NUP205: variants seen among roughly 807,000 people sequenced by gnomAD.
The protein encoded by NUP205 is nucleoporin 205, also known as nuclear pore complex protein Nup205.
In NUP205, 76 loss-of-function variants were observed where a neutral mutation model predicts 253.8. The ratio of observed to expected loss-of-function variants is 0.30; its 90% CI spans 0.25 to 0.36. NUP205 has a LOEUF of 0.36. NUP205 is among the 10% of genes least tolerant of loss of function. The pLI, the probability that NUP205 is intolerant of heterozygous loss-of-function variation, is 1.00. For synonymous variants in NUP205, 832 were observed against 850.1 expected, an observed-to-expected ratio of 0.98 and a Z score of 0.37; for missense variants, 2,162 against 2,425.5, an observed-to-expected ratio of 0.89 and a Z score of 2.28.
intron 39 of NUP205, 135 bp from the exon 40 acceptor site, chr7:135,644,757 TAAA>T (rs1352846309): frequency 1.3e-6 from 1 of 793,642 alleles, no homozygotes; most frequent in Non-Finnish European, 1.9e-6. Flanking sequence ...GCTTCTTAGA[TAAA>T]AACTCTTATC....
chr7:135,597,709 T>C, intron 14 of NUP205: 3 of 448,886 alleles, frequency 6.7e-6, no homozygotes, highest in Non-Finnish European at 1.2e-5. Context: ...AAATGAGAGT[T>C]AATTATTTTC....
chr7:135,606,349 A>G (rs1378782742), intron 20 of NUP205, 123 bp downstream of exon 20: 1 of 714,846 alleles, frequency 1.4e-6, no homozygotes, highest in East Asian at 2.6e-5. Flanking sequence ...AGAATTTGCT[A>G]GAATACAGGT....
intron 22 of NUP205, among the ~76,000 whole-genome samples, chr7:135,612,824 A>G (rs1794272772): frequency 6.6e-6 from 1 of 152,256 alleles, no homozygotes; most frequent in South Asian, 2.1e-4. Flanking sequence ...TTTTGGCTTT[A>G]GATTTTAATT....
At position 135,601,433 on chromosome 7, in the gene NUP205, C is replaced by T. The variant is rs1793963304; in HGVS notation, c.2438C>T (p.Ser813Leu). The T allele has an allele frequency of 1.2e-6, 2 of 1,613,818 alleles. No individual in the cohort carries two copies. The change falls in exon 17 of 43, where the codon TCA becomes TTA. Residue 813 changes from serine (S) to leucine (L), a missense_variant. Physicochemically the swap from Ser to Leu is moderately radical, Grantham distance 145. Transcript: ENST00000285968. ...FSLMYHLLNESPMLELALSLL... is the reference protein window; with the variant it reads ...FSLMYHLLNELPMLELALSLL... ...CTGATGTATCATCTGCTGAATGAGT[C>T]ACCAATGTTGGAGCTTGCTCTCAGT...
At chr7:135,613,085 CA>C (rs373671230) in intron 22 of NUP205, among the ~76,000 whole-genome samples, 12,989 of 134,590 alleles carry the variant, frequency 0.097, 692 homozygotes, top group Non-Finnish European at 0.14. Context: ...GACCCTGACT[CA>C]AAAAAAAAAA....
At chr7:135,600,196 T>C (rs1463353656) in intron 15 of NUP205, among the ~76,000 whole-genome samples, 1 of 152,188 alleles carries the variant, frequency 6.6e-6, no homozygotes, top group Non-Finnish European at 1.5e-5. Context: ...GGCTATGCAG[T>C]TGTATATAAT....
In NUP205 at chr7:135,580,897, C is replaced by T. The variant is rs143267645; in HGVS notation, c.1042+1982C>T. On this transcript the variant is annotated intron_variant, in intron 7 of 42. Coordinates refer to ENST00000285968, the MANE Select transcript of NUP205 (RefSeq NM_015135.3). Reference sequence around the variant, plus strand: ...GTTTTGAAAGGTTTAATAGAATATGCTATAGTTTGCTGTAGAATAATAGTA... The same window carrying T: ...GTTTTGAAAGGTTTAATAGAATATGTTATAGTTTGCTGTAGAATAATAGTA... Among the ~76,000 whole-genome samples the T allele has an allele frequency of 6.6e-5, 10 of 152,136 alleles. No individual in the cohort carries two copies. The East Asian group carries it at 1.9e-3, about 29-fold the overall frequency.
rs1584665843 is a variant in NUP205, at chr7:135,602,983, A to G, written c.2691A>G (p.Val897=). ...NPRTKKADNV[V]NIARYLYHGN... is the part of the protein sequence containing the mutation. ...GAACTAAGAAGGCAGATAATGTGGTAAACATTGCCAGGTAAGTTACCTTTG... is the reference window on the plus strand; with the variant it reads ...GAACTAAGAAGGCAGATAATGTGGTGAACATTGCCAGGTAAGTTACCTTTG... Residue 897 remains valine, a synonymous_variant, in exon 18 of 43, where the codon GTA becomes GTG. Coordinates refer to ENST00000285968, the MANE Select transcript of NUP205 (RefSeq NM_015135.3). 6.2e-7 allele frequency: 1 copy of G among 1,607,866 alleles called. No individual in the cohort carries two copies. The highest frequency in any genetic ancestry group is 8.5e-7 in the Non-Finnish European group (1 of 1,175,748).
chr7:135,597,460 A>G (rs1224010341), intron 14 of NUP205, 42 bp downstream of exon 14: 1 of 1,161,716 alleles, frequency 8.6e-7, no homozygotes, highest in Admixed American at 1.7e-5. Context: ...TCATTCATGC[A>G]TGTAATGATA....
intron 36 of NUP205, among the ~76,000 whole-genome samples, chr7:135,637,302 T>C (rs894635484): frequency 6.6e-6 from 1 of 152,190 alleles, no homozygotes; most frequent in African/African-American, 2.4e-5. Flanking sequence ...GGAACCCATG[T>C]CTCTAATTTG....
At chr7:135,620,781 C>T (rs1481407526) in intron 30 of NUP205, among the ~76,000 whole-genome samples, 1 of 152,128 alleles carries the variant, frequency 6.6e-6, no homozygotes, top group African/African-American at 2.4e-5. Context: ...CAATAGTATA[C>T]ATGTATCTTT....
chr7:135,612,558 G>T (rs148933556), intron 22 of NUP205, among the ~76,000 whole-genome samples: 1 of 152,236 alleles, frequency 6.6e-6, no homozygotes, highest in South Asian at 2.1e-4. Flanking sequence ...TGCAAAAAAC[G>T]TGGCACTAAA....
chr7:135,568,315 A>G (rs901743432), intron 1 of NUP205, among the ~76,000 whole-genome samples: 1 of 151,298 alleles, frequency 6.6e-6, no homozygotes, highest in Admixed American at 6.6e-5. Context: ...AATATAATAA[A>G]TGAATTAATT....
chr7:135,558,301 A>G (rs1463168326), intron 1 of NUP205: 5 of 387,872 alleles, frequency 1.3e-5, no homozygotes, highest in African/African-American at 1.0e-4. Flanking sequence ...ATTTCGCTGG[A>G]ATACGCATCA....
intron 1 of NUP205, among the ~76,000 whole-genome samples, chr7:135,559,714 G>A (rs1313628780): frequency 1.4e-5 from 2 of 143,870 alleles, no homozygotes; most frequent in African/African-American, 2.6e-5. Flanking sequence ...TTTTTGAGAT[G>A]GAGTCTCATC....
At chr7:135,595,188 G>A (rs1793795627) in intron 13 of NUP205, among the ~76,000 whole-genome samples, 1 of 151,780 alleles carries the variant, frequency 6.6e-6, no homozygotes, top group Admixed American at 6.6e-5. Context: ...CCATTAAAGG[G>A]CAGGTCTAAC....
rs762211091 is a variant in NUP205 at position 135,576,267 on chromosome 7, T to G, written c.344-3T>G. 2 of 1,611,614 alleles carry G rather than the reference T, an allele frequency of 1.2e-6. No homozygotes were observed. The highest frequency in any genetic ancestry group is 2.2e-5 in the South Asian group (2 of 90,742). ...AATATTATTTCTCAACTTCCTTTTT[T>G]AGGAGAGCATCAACAGCCACATTTT... On this transcript the variant is annotated splice_region_variant and splice_polypyrimidine_tract_variant and intron_variant, in intron 3 of 42. Transcript: ENST00000285968.
intron 10 of NUP205, among the ~76,000 whole-genome samples, chr7:135,588,774 A>G (rs1806542307): frequency 6.6e-6 from 1 of 151,364 alleles, no homozygotes; most frequent in Admixed American, 6.6e-5. Context: ...GAGAGGTACA[A>G]GTATTAAAGG....
chr7:135,563,550 A>G (rs1057429118), intron 1 of NUP205, among the ~76,000 whole-genome samples: 3 of 152,140 alleles, frequency 2.0e-5, no homozygotes, highest in Non-Finnish European at 4.4e-5. Flanking sequence ...AATCTTACCA[A>G]TACCTCACAC....
Sources: gnomAD v4.1 joint callset for allele counts (sites outside exome capture counted in the v4.1 genomes callset) on GRCh38, gnomAD v4.1.1 for gene constraint, MANE v1.5 for transcripts, NCBI Gene and HGNC (gene_info 2026-07-23, HGNC 2026-07-21) for gene names.